The following LGSN variants were observed in gnomAD, a reference collection of about 807,000 sequenced individuals.
The protein encoded by LGSN is lengsin.
LGSN carries 21 observed loss-of-function variants against 19.5 expected under a neutral mutation model. The observed-to-expected ratio is 1.07, with a 90% CI of 0.76 to 1.55. LGSN has a LOEUF of 1.55. Among genes scored for constraint, LGSN ranks in the 40% most tolerant of loss-of-function variants. The probability of loss-of-function intolerance (pLI) is 0.00; values close to 1 mark genes in which losing one functional copy is unlikely to be tolerated. For missense variants in LGSN, 673 were observed against 608.5 expected (o/e 1.11, Z -1.12); for synonymous variants, 257 against 215.6 (o/e 1.19, Z -1.68).
At chr6:63,365,479 T>C in the LGSN span, among the ~76,000 whole-genome samples, 1 of 152,114 alleles carries the variant, frequency 6.6e-6, no homozygotes, top group East Asian at 1.9e-4. Flanking sequence ...CAGGACCAGA[T>C]GGATTCACAG....
chr6:63,572,536 C>A, the LGSN span: 1 of 395,690 alleles, frequency 2.5e-6, no homozygotes, highest in Non-Finnish European at 4.5e-6. Flanking sequence ...ACGCGCTCTG[C>A]TCCGAGCCGC....
chr6:63,288,628 C>T (rs950330966), intron 2 of LGSN, among the ~76,000 whole-genome samples: 4 of 152,172 alleles, frequency 2.6e-5, no homozygotes, highest in Non-Finnish European at 5.9e-5. Context: ...GACAAATGCC[C>T]CAGACAGGCG....
At chr6:63,385,331 A>G in the LGSN span, among the ~76,000 whole-genome samples, 2 of 152,210 alleles carry the variant, frequency 1.3e-5, no homozygotes, top group Non-Finnish European at 2.9e-5. Flanking sequence ...TACATAAAAC[A>G]AAAACTTATT....
the LGSN span, among the ~76,000 whole-genome samples, chr6:63,506,231 CTTG>C: frequency 3.5e-4 from 38 of 109,696 alleles, 1 homozygote; most frequent in Admixed American, 2.0e-3. Flanking sequence ...ATAAGTTCTT[CTTG>C]TTGTTGTTGG....
the LGSN span, among the ~76,000 whole-genome samples, chr6:63,345,664 C>T: frequency 6.6e-6 from 1 of 152,120 alleles, no homozygotes; most frequent in Admixed American, 6.5e-5. Flanking sequence ...TGGTCATGCC[C>T]CTCACTTTAA....
At chr6:63,281,284 G>A (rs1343691206) in intron 3 of LGSN, 64 bp from the exon 4 acceptor site, 26 of 1,058,172 alleles carry the variant, frequency 2.5e-5, no homozygotes, top group African/African-American at 7.1e-5. Context: ...GGGGGGCGGC[G>A]GGAAAGCCTT....
In LGSN at chr6:63,276,840, A is replaced by G. The variant is rs1767118223; in HGVS notation, c.*3181T>C. The G allele has an allele frequency of 6.6e-6, 1 of 152,254 alleles. No individual in the cohort carries two copies. The highest frequency in any genetic ancestry group is 2.4e-5 in the African/African-American group (1 of 41,464). The allele number at this position is 152,254 out of a possible 1,614,324, so 9.4% of individuals were successfully genotyped here. A position where few individuals can be genotyped will look rare whatever the true frequency, so the allele number is the denominator to read the frequency against. On this transcript the variant is annotated 3_prime_UTR_variant, in exon 4 of 4. Transcript: ENST00000370657. ...ATCAGCAGAAAGTCCTTTCAACAAT[A>G]GAAAGCCTATGAACAGATGAAAGAA...
At chr6:63,423,473 C>CAA in the LGSN span, among the ~76,000 whole-genome samples, 540 of 126,730 alleles carry the variant, frequency 4.3e-3, 1 homozygote, top group Non-Finnish European at 7.2e-3. Flanking sequence ...CTGTCTCTAC[C>CAA]AAAAAAAAAA....
chr6:63,539,667 G>T, the LGSN span, among the ~76,000 whole-genome samples: 50 of 152,220 alleles, frequency 3.3e-4, no homozygotes, highest in African/African-American at 1.2e-3. Flanking sequence ...TACTCAGGAG[G>T]CTGAGGCAGG....
chr6:63,417,533 A>G, the LGSN span, among the ~76,000 whole-genome samples: 2 of 152,198 alleles, frequency 1.3e-5, no homozygotes, highest in Non-Finnish European at 2.9e-5. Context: ...ACATTTTGTT[A>G]TTAATTCTTC....
At chr6:63,543,201 T>A in the LGSN span, among the ~76,000 whole-genome samples, 1 of 152,210 alleles carries the variant, frequency 6.6e-6, no homozygotes, top group Non-Finnish European at 1.5e-5. Flanking sequence ...TTTGCCAGAC[T>A]TGTCCCTGTT....
At chr6:63,373,205 T>C in the LGSN span, among the ~76,000 whole-genome samples, 1,158 of 152,292 alleles carry the variant, frequency 7.6e-3, 15 homozygotes, top group African/African-American at 0.026. Context: ...GTTCCTATGG[T>C]TTAGAAGAGT....
chr6:63,304,656 T>G (rs1191608579), intron 1 of LGSN, among the ~76,000 whole-genome samples: 1 of 152,216 alleles, frequency 6.6e-6, no homozygotes, highest in East Asian at 1.9e-4. Flanking sequence ...GAACCTTGGC[T>G]AAGGAGCATA....
At chr6:63,370,993 A>G in the LGSN span, among the ~76,000 whole-genome samples, 2 of 152,328 alleles carry the variant, frequency 1.3e-5, no homozygotes, top group East Asian at 3.9e-4. Flanking sequence ...ATTTTTGCGT[A>G]TACATCAAAA....
At chr6:63,348,075 C>T in the LGSN span, among the ~76,000 whole-genome samples, 1 of 152,090 alleles carries the variant, frequency 6.6e-6, no homozygotes, top group Non-Finnish European at 1.5e-5. Context: ...CAAAAGAAAG[C>T]ATAAATAAGC....
intron 2 of LGSN, among the ~76,000 whole-genome samples, chr6:63,289,414 A>G (rs1006111077): frequency 6.6e-6 from 1 of 152,170 alleles, no homozygotes; most frequent in African/African-American, 2.4e-5. Context: ...GTTATTTACA[A>G]TTAAACCTTT....
the LGSN span, among the ~76,000 whole-genome samples, chr6:63,418,533 C>T: frequency 6.6e-6 from 1 of 152,108 alleles, no homozygotes; most frequent in African/African-American, 2.4e-5. Flanking sequence ...TGCACTCCAG[C>T]CTGGCGACAG....
chr6:63,313,862 A>AC (rs1457105691), intron 1 of LGSN, among the ~76,000 whole-genome samples: 22 of 151,782 alleles, frequency 1.4e-4, no homozygotes, highest in African/African-American at 5.1e-4. Flanking sequence ...ATAAATAAAT[A>AC]AATAAATACA....
chr6:63,570,755 T>C, the LGSN span, among the ~76,000 whole-genome samples: 2 of 152,270 alleles, frequency 1.3e-5, no homozygotes, highest in Non-Finnish European at 2.9e-5. Flanking sequence ...ATATGTGCTT[T>C]TTAACTACAC....
Sources: allele counts gnomAD v4.1 joint callset (sites outside exome capture counted in the v4.1 genomes callset), GRCh38; gene constraint gnomAD v4.1.1; transcripts MANE v1.5; gene names NCBI Gene and HGNC (gene_info 2026-07-23, HGNC 2026-07-21).